ARHGAP24: variants seen among roughly 807,000 people sequenced by gnomAD.
ARHGAP24 encodes rho GTPase-activating protein 24.
ARHGAP24 carries 50 observed loss-of-function variants against 76.4 expected under a neutral mutation model. That is an observed-to-expected ratio of 0.65 (90% confidence interval 0.52 to 0.83). The LOEUF (loss-of-function observed/expected upper bound fraction) is 0.83. Among genes scored for constraint, ARHGAP24 ranks in the 40% least tolerant of loss-of-function variants. ARHGAP24 has a pLI of 0.00. For missense variants in ARHGAP24, 930 were observed against 914.2 expected (o/e 1.02, Z -0.22); for synonymous variants, 345 against 323.3 (o/e 1.07, Z -0.72).
chr4:85,928,520 C>A (rs1736147897), intron 4 of ARHGAP24, among the ~76,000 whole-genome samples: 2 of 152,134 alleles, frequency 1.3e-5, no homozygotes, highest in Non-Finnish European at 2.9e-5. Flanking sequence ...TGCAATGGCG[C>A]ATTCTCGGCT....
At chr4:85,493,418 C>T (rs894770224) in intron 1 of ARHGAP24, among the ~76,000 whole-genome samples, 14 of 152,182 alleles carry the variant, frequency 9.2e-5, no homozygotes, top group African/African-American at 2.7e-4. Context: ...TTCTTCTACG[C>T]GGAAGTTTTC....
chr4:85,562,829 C>T (rs1248512827), intron 1 of ARHGAP24, among the ~76,000 whole-genome samples: 1 of 152,116 alleles, frequency 6.6e-6, no homozygotes, highest in Non-Finnish European at 1.5e-5. Flanking sequence ...TAGGCTTTGC[C>T]ACATTTAGCA....
intron 3 of ARHGAP24, among the ~76,000 whole-genome samples, chr4:85,913,033 A>G (rs536648252): frequency 6.6e-6 from 1 of 152,216 alleles, no homozygotes; most frequent in South Asian, 2.1e-4. Flanking sequence ...TCTCTCCTAC[A>G]TTATCAATTT....
At chr4:85,644,940 AT>A (rs1721668473) in intron 2 of ARHGAP24, among the ~76,000 whole-genome samples, 1 of 152,060 alleles carries the variant, frequency 6.6e-6, no homozygotes, top group African/African-American at 2.4e-5. Flanking sequence ...TGAGTAACTC[AT>A]TTTCTACACT....
rs1224433341 is a variant in ARHGAP24 at position 85,982,810 on chromosome 4, A to T, written c.928+5119A>T. Among the ~76,000 whole-genome samples, 3 of 152,126 alleles carry T rather than the reference A, an allele frequency of 2.0e-5. 1 individual carries two copies. Among genetic ancestry groups the T allele is most frequent in the South Asian group, 4.2e-4 (2 of 4,818 alleles). On this transcript the variant is annotated intron_variant, in intron 8 of 9. Transcript: ENST00000395184. ...TCTGGGGCACATGTACAGGATTTGC[A>T]GGTTTGTTACATAGGTAAACATGTG...
chr4:85,811,423 C>CTA lies in ARHGAP24; in HGVS notation c.268+89452_268+89453dup, dbSNP rs1025438007. On this transcript the variant is annotated intron_variant, in intron 3 of 9. Transcript: ENST00000395184. ...ATATGGATGGAAAGAGAGTTCTAGT[C>CTA]TAGGGTAGTGAGCTGCCCAGCCCAG... Among the ~76,000 whole-genome samples the CTA allele has an allele frequency of 1.7e-4, 26 of 152,146 alleles. 2 individuals carry two copies.
At chr4:85,892,327 ATTTTTTGAAGGG>A (rs1733920901) in intron 3 of ARHGAP24, among the ~76,000 whole-genome samples, 1 of 6,014 alleles carries the variant, frequency 1.7e-4, no homozygotes, top group Admixed American at 1.8e-3. Flanking sequence ...GGATTCATTG[ATTTTTTGAAGGG>A]TTTTTTGTGT....
At chr4:85,497,614 G>A (rs898568692) in intron 1 of ARHGAP24, among the ~76,000 whole-genome samples, 1 of 152,088 alleles carries the variant, frequency 6.6e-6, no homozygotes, top group Non-Finnish European at 1.5e-5. Flanking sequence ...CTGAGGTCTG[G>A]AGATGGAGAC....
chr4:85,580,790 G>C (rs73835228), intron 2 of ARHGAP24, among the ~76,000 whole-genome samples: 2,914 of 152,254 alleles, frequency 0.019, 95 homozygotes, highest in African/African-American at 0.067. Flanking sequence ...AGGACAGATA[G>C]TGGTTCTGGC....
At chr4:85,706,257 A>G (rs958212911) in intron 2 of ARHGAP24, among the ~76,000 whole-genome samples, 3 of 152,216 alleles carry the variant, frequency 2.0e-5, no homozygotes, top group African/African-American at 7.2e-5. Context: ...TGTTACATCC[A>G]TTGAATCACT....
intron 2 of ARHGAP24, among the ~76,000 whole-genome samples, chr4:85,591,455 A>G (rs1022244158): frequency 6.6e-6 from 1 of 152,120 alleles, no homozygotes; most frequent in Non-Finnish European, 1.5e-5. Context: ...TTTCCATCAC[A>G]TTTAGTTTGG....
intron 3 of ARHGAP24, among the ~76,000 whole-genome samples, chr4:85,799,582 C>G (rs1393002273): frequency 1.3e-5 from 2 of 152,070 alleles, no homozygotes; most frequent in Non-Finnish European, 2.9e-5. Flanking sequence ...AGAAATCACT[C>G]TAAAAATAAT....
intron 1 of ARHGAP24, among the ~76,000 whole-genome samples, chr4:85,566,809 TA>T (rs2109960736): frequency 6.6e-6 from 1 of 152,268 alleles, no homozygotes; most frequent in Admixed American, 6.5e-5. Flanking sequence ...AGTTCAGCGA[TA>T]GAGAATAGAA....
At chr4:85,976,266 C>G (rs1739315591) in intron 7 of ARHGAP24, among the ~76,000 whole-genome samples, 1 of 152,124 alleles carries the variant, frequency 6.6e-6, no homozygotes, top group Admixed American at 6.5e-5. Context: ...GGCTGTATAA[C>G]AGTAGTGAAT....
intron 3 of ARHGAP24, among the ~76,000 whole-genome samples, chr4:85,782,782 T>A (rs1375341409): frequency 3.5e-4 from 54 of 152,228 alleles, no homozygotes; most frequent in Admixed American, 3.5e-3. Flanking sequence ...GGCCTTTGTT[T>A]AACATATTAA....
intron 3 of ARHGAP24, among the ~76,000 whole-genome samples, chr4:85,806,288 G>A (rs371712537): frequency 6.6e-6 from 1 of 152,168 alleles, no homozygotes; most frequent in Non-Finnish European, 1.5e-5. Flanking sequence ...GATTCTAAGG[G>A]GAGGTACATC....
At position 85,587,276 on chromosome 4, in the gene ARHGAP24, A is replaced by G. The variant is rs147397527; in HGVS notation, c.180+16555A>G. Among the ~76,000 whole-genome samples, 77 of 152,344 alleles carry G rather than the reference A, an allele frequency of 5.1e-4. 1 individual carries two copies. The highest frequency in any genetic ancestry group is 1.9e-3 in the African/African-American group (77 of 41,586). On this transcript the variant is annotated intron_variant, in intron 2 of 9. Coordinates refer to ENST00000395184, the MANE Select transcript of ARHGAP24 (RefSeq NM_001025616.3). ...TAATACAGAGAAATATTACATTCTC[A>G]TAAAGAGAAGGCCGAATGATGTCGC...
chr4:85,724,491 GTATATA>G (rs60930279), intron 3 of ARHGAP24, among the ~76,000 whole-genome samples: 66 of 10,696 alleles, frequency 6.2e-3, no homozygotes, highest in Middle Eastern at 0.11. Flanking sequence ...TTCCATGTGT[GTATATA>G]TATATATATA....
At chr4:85,558,197 A>T (rs1031698907) in intron 1 of ARHGAP24, among the ~76,000 whole-genome samples, 1 of 152,288 alleles carries the variant, frequency 6.6e-6, no homozygotes, top group East Asian at 1.9e-4. Flanking sequence ...TCCCTTTAGC[A>T]AAGGGATGGT....
Sources: allele counts gnomAD v4.1 joint callset (sites outside exome capture counted in the v4.1 genomes callset), GRCh38; gene constraint gnomAD v4.1.1; transcripts MANE v1.5; gene names NCBI Gene and HGNC (gene_info 2026-07-23, HGNC 2026-07-21).